PARD3B: variants seen among roughly 807,000 people sequenced by gnomAD.
PARD3B encodes partitioning defective 3 homolog B.
PARD3B carries 103 observed loss-of-function variants against 130.2 expected under a neutral mutation model. The ratio of observed to expected loss-of-function variants is 0.79; its 90% confidence interval spans 0.67 to 0.93. The LOEUF is 0.93. PARD3B is among the 40% of genes least tolerant of loss of function. PARD3B has a pLI of 0.00. For synonymous variants in PARD3B, 583 were observed against 553.2 expected (o/e 1.05, Z -0.76); for missense variants, 1,609 against 1,499.2 (o/e 1.07, Z -1.21).
At chr2:205,447,895 A>G (rs911035858) in intron 20 of PARD3B, among the ~76,000 whole-genome samples, 1 of 152,340 alleles carries the variant, frequency 6.6e-6, no homozygotes, top group East Asian at 1.9e-4. Flanking sequence ...GTCTCCGTGT[A>G]GCTTTTACCA....
At position 205,276,177 on chromosome 2, in the gene PARD3B, T is replaced by C. The variant is rs2040939900; in HGVS notation, c.2186-24353T>C. 6.6e-6 allele frequency among the ~76,000 whole-genome samples: 1 copy of C among 152,146 alleles called. No homozygotes were observed. Among genetic ancestry groups the C allele is most frequent in the African/African-American group, 2.4e-5 (1 of 41,432 alleles). ...CATTAGCCGCTGATACAGGAAGACA[T>C]ATTTGAAAGAAACAGGGGAAGTAGA... On this transcript the variant is annotated intron_variant, in intron 16 of 22. Coordinates refer to ENST00000406610, the MANE Select transcript of PARD3B (RefSeq NM_001302769.2). This position sits in a 1 kb window ranked among gnomAD's most constrained non-coding sequence, Gnocchi z 5.0.
intron 2 of PARD3B, among the ~76,000 whole-genome samples, chr2:204,950,608 G>T (rs1357650247): frequency 6.6e-6 from 1 of 152,162 alleles, no homozygotes; most frequent in Non-Finnish European, 1.5e-5. Flanking sequence ...GAAAGAAACT[G>T]AGATGTTATC....
chr2:204,763,001 C>T (rs1275775597), intron 2 of PARD3B, among the ~76,000 whole-genome samples: 7 of 152,156 alleles, frequency 4.6e-5, no homozygotes, highest in African/African-American at 1.7e-4. Flanking sequence ...CTCAGGTGAT[C>T]CGCCCACCTC....
chr2:205,217,426 C>T (rs2037971708), intron 15 of PARD3B, among the ~76,000 whole-genome samples: 1 of 152,106 alleles, frequency 6.6e-6, no homozygotes, highest in South Asian at 2.1e-4. Context: ...GATTCTCTGT[C>T]CACTGCCAAA....
At chr2:204,847,403 A>G (rs2044508808) in intron 2 of PARD3B, among the ~76,000 whole-genome samples, 1 of 152,190 alleles carries the variant, frequency 6.6e-6, no homozygotes, top group African/African-American at 2.4e-5. Flanking sequence ...AGAGTTTAAC[A>G]TGGCATAATT....
intron 15 of PARD3B, among the ~76,000 whole-genome samples, chr2:205,196,252 A>G (rs2036675474): frequency 6.6e-6 from 1 of 152,176 alleles, no homozygotes; most frequent in African/African-American, 2.4e-5. Context: ...TGTTACATTC[A>G]TTAATCTTCA....
At chr2:204,966,163 AAT>A (rs1168490120) in intron 3 of PARD3B, among the ~76,000 whole-genome samples, 7 of 152,210 alleles carry the variant, frequency 4.6e-5, no homozygotes, top group African/African-American at 1.7e-4. Flanking sequence ...AAATGGTTAG[AAT>A]CGTACATAGT....
intron 2 of PARD3B, among the ~76,000 whole-genome samples, chr2:204,718,243 C>T (rs981859668): frequency 1.3e-4 from 19 of 151,998 alleles, no homozygotes; most frequent in African/African-American, 4.4e-4. Flanking sequence ...CTTCCCTCCT[C>T]CCCATGATGC....
At chr2:205,406,688 T>TA (rs1553506645) in intron 19 of PARD3B, among the ~76,000 whole-genome samples, 2 of 125,616 alleles carry the variant, frequency 1.6e-5, no homozygotes, top group East Asian at 2.1e-4. Flanking sequence ...TTTTTTTTTT[T>TA]AAAGACAGAG....
intron 2 of PARD3B, among the ~76,000 whole-genome samples, chr2:204,755,570 A>G (rs969370669): frequency 9.2e-5 from 14 of 152,138 alleles, no homozygotes; most frequent in Non-Finnish European, 1.3e-4. Context: ...GTAGCCATCA[A>G]TGTGTAAGTA....
At chr2:204,884,332 A>G (rs1158772413) in intron 2 of PARD3B, among the ~76,000 whole-genome samples, 1 of 152,248 alleles carries the variant, frequency 6.6e-6, no homozygotes, top group Non-Finnish European at 1.5e-5. Context: ...GCTTTCAAAT[A>G]GAATAGTGTG....
chr2:205,412,662 C>A (rs966218200), intron 19 of PARD3B, among the ~76,000 whole-genome samples: 20 of 152,264 alleles, frequency 1.3e-4, no homozygotes, highest in African/African-American at 4.6e-4. Context: ...ACCAATATGA[C>A]CCCTATACTC....
intron 22 of PARD3B, among the ~76,000 whole-genome samples, chr2:205,576,123 G>A (rs150976609): frequency 3.0e-4 from 46 of 152,140 alleles, no homozygotes; most frequent in African/African-American, 8.9e-4. Context: ...CCTTGATGAC[G>A]TATGATGCAG....
In PARD3B at chr2:204,856,182, CCTTTCCTCCATAT is replaced by C. The variant is rs1324354711; in HGVS notation, c.223-108966_223-108954del. Among the ~76,000 whole-genome samples, 16 of 152,194 alleles carry C rather than the reference CCTTTCCTCCATAT, an allele frequency of 1.1e-4. No individual in the cohort carries two copies. The East Asian group carries it at 3.1e-3, about 29-fold the overall frequency. The stretch of plus-strand genomic sequence containing the variant: ...CCACCAACACTCTACACAAAGGTTG[CCTTTCCTCCATAT>C]CTTCACCAATATTTATCACTTGTCT... On this transcript the variant is annotated intron_variant, in intron 2 of 22. Transcript: ENST00000406610.
intron 10 of PARD3B, among the ~76,000 whole-genome samples, chr2:205,129,398 C>T (rs534033999): frequency 5.9e-5 from 9 of 152,250 alleles, no homozygotes; most frequent in Middle Eastern, 3.4e-3. Flanking sequence ...TGGCATACAC[C>T]GGCCTGTTTG....
intron 19 of PARD3B, among the ~76,000 whole-genome samples, chr2:205,409,428 A>G (rs894085233): frequency 5.3e-5 from 8 of 152,154 alleles, no homozygotes; most frequent in African/African-American, 1.9e-4. Flanking sequence ...TAATATCTTT[A>G]CATTTATTTG....
chr2:204,711,417 G>C (rs1192689705), intron 2 of PARD3B, among the ~76,000 whole-genome samples: 3 of 152,160 alleles, frequency 2.0e-5, no homozygotes, highest in Non-Finnish European at 4.4e-5. Context: ...TTTTTCTAAT[G>C]AAGGTGATAT....
chr2:204,959,989 A>C (rs1019968920), intron 2 of PARD3B, among the ~76,000 whole-genome samples: 3 of 152,192 alleles, frequency 2.0e-5, no homozygotes, highest in African/African-American at 7.2e-5. Flanking sequence ...TGAGATAAAC[A>C]TTTCACTTTC....
chr2:205,178,223 G>GA (rs139926040), intron 13 of PARD3B, among the ~76,000 whole-genome samples: 1 of 144,220 alleles, frequency 6.9e-6, no homozygotes, highest in Admixed American at 6.8e-5. Flanking sequence ...AGCTACTATG[G>GA]GGGGGGAAAA....
Sources: gnomAD v4.1 joint callset for allele counts (sites outside exome capture counted in the v4.1 genomes callset) on GRCh38, gnomAD v4.1.1 for gene constraint, Gnocchi (gnomAD v3.1) non-coding constraint, MANE v1.5 for transcripts, NCBI Gene and HGNC (gene_info 2026-07-23, HGNC 2026-07-21) for gene names.